SLC44A5: variants seen among roughly 807,000 people sequenced by gnomAD.
SLC44A5 encodes the protein choline transporter-like protein 5.
A neutral mutation model predicts 101.8 loss-of-function variants in SLC44A5; 57 were observed. The observed-to-expected ratio is 0.56, with a 90% CI of 0.45 to 0.70. The LOEUF (loss-of-function observed/expected upper bound fraction) is 0.70, where lower values mean the gene tolerates loss of function less well. SLC44A5 is among the 30% of genes least tolerant of loss of function. The pLI, the probability that SLC44A5 is intolerant of heterozygous loss-of-function variation, is 0.00. For missense variants in SLC44A5, 737 were observed against 853.1 expected, an observed-to-expected ratio of 0.86 and a Z score of 1.70; for synonymous variants, 281 against 290.9, an observed-to-expected ratio of 0.97 and a Z score of 0.35.
chr1:75,322,093 T>C (rs928078097), intron 4 of SLC44A5, among the ~76,000 whole-genome samples: 1 of 152,132 alleles, frequency 6.6e-6, no homozygotes, highest in Non-Finnish European at 1.5e-5. Flanking sequence ...GCAGGATTAC[T>C]TGAGGTCAGG....
At chr1:75,304,620 GA>G (rs1202298073) in intron 4 of SLC44A5, among the ~76,000 whole-genome samples, 1 of 151,930 alleles carries the variant, frequency 6.6e-6, no homozygotes, top group African/African-American at 2.4e-5. Context: ...CTTTTTTTAA[GA>G]AAAAATAAGG....
intron 1 of SLC44A5, among the ~76,000 whole-genome samples, chr1:75,564,146 T>C (rs900000637): frequency 6.6e-6 from 1 of 152,188 alleles, no homozygotes; most frequent in Non-Finnish European, 1.5e-5. Flanking sequence ...AGTTGCAATA[T>C]GCTGATCAAT....
At chr1:75,334,971 C>T (rs1420594714) in intron 4 of SLC44A5, among the ~76,000 whole-genome samples, 1 of 152,118 alleles carries the variant, frequency 6.6e-6, no homozygotes, top group Non-Finnish European at 1.5e-5. Context: ...TCAGTTAAGC[C>T]ATGAGCTCCA....
chr1:75,207,059 G>A (rs1009072474), intron 23 of SLC44A5, among the ~76,000 whole-genome samples: 1 of 152,064 alleles, frequency 6.6e-6, no homozygotes, highest in Non-Finnish European at 1.5e-5. Flanking sequence ...CAAATCCTCC[G>A]GGATGGAGCT....
At chr1:75,278,893 CTT>C (rs1226123466) in intron 5 of SLC44A5, among the ~76,000 whole-genome samples, 1 of 151,894 alleles carries the variant, frequency 6.6e-6, no homozygotes, top group Non-Finnish European at 1.5e-5. Flanking sequence ...TGCAAAATAA[CTT>C]TTATTACTTT....
chr1:75,603,463 T>C (rs141495368), intron 1 of SLC44A5, among the ~76,000 whole-genome samples: 1 of 152,118 alleles, frequency 6.6e-6, no homozygotes, highest in African/African-American at 2.4e-5. Context: ...TGTGTCTTTC[T>C]GGTAGAATAA....
chr1:75,664,562 AAAAAT>A, the SLC44A5 span, among the ~76,000 whole-genome samples: 2 of 152,154 alleles, frequency 1.3e-5, no homozygotes, highest in Non-Finnish European at 2.9e-5. Context: ...AATGGCCACA[AAAAAT>A]AAAATAAAAT....
chr1:75,415,505 A>G (rs187179481), intron 2 of SLC44A5, among the ~76,000 whole-genome samples: 3 of 152,304 alleles, frequency 2.0e-5, no homozygotes, highest in Admixed American at 1.3e-4. Flanking sequence ...CAAGTGTGAA[A>G]ACAGACTAAT....
At chr1:75,595,418 C>G (rs1161724093) in intron 1 of SLC44A5, among the ~76,000 whole-genome samples, 1 of 150,858 alleles carries the variant, frequency 6.6e-6, no homozygotes, top group Non-Finnish European at 1.5e-5. Context: ...TATTTATTCC[C>G]TGTGGATCAT....
At chr1:75,681,738 G>A in the SLC44A5 span, among the ~76,000 whole-genome samples, 20 of 149,796 alleles carry the variant, frequency 1.3e-4, no homozygotes, top group South Asian at 4.1e-3. Flanking sequence ...ATTCAACATA[G>A]TGTTGGAAGT....
chr1:75,300,752 A>G, intron 4 of SLC44A5, 67 bp from the exon 5 acceptor site: 2 of 1,001,718 alleles, frequency 2.0e-6, no homozygotes, highest in Non-Finnish European at 2.9e-6. Flanking sequence ...CCTGCACAAA[A>G]TGAAGGAAGA....
intron 2 of SLC44A5, among the ~76,000 whole-genome samples, chr1:75,484,871 C>G (rs1268053961): frequency 6.6e-6 from 1 of 152,246 alleles, no homozygotes; most frequent in East Asian, 1.9e-4. Context: ...TCTGAAGCAA[C>G]AGCCCAAGCT....
intron 1 of SLC44A5, among the ~76,000 whole-genome samples, chr1:75,585,864 C>T (rs1673960905): frequency 6.6e-6 from 1 of 152,162 alleles, no homozygotes; most frequent in Admixed American, 6.5e-5. Flanking sequence ...AGAGCTTCTT[C>T]TGACTCAGTA....
At chr1:75,269,225 T>C (rs1224078565) in intron 6 of SLC44A5, among the ~76,000 whole-genome samples, 1 of 152,138 alleles carries the variant, frequency 6.6e-6, no homozygotes, top group Non-Finnish European at 1.5e-5. Context: ...CATTATATTA[T>C]TTCCTGTTTA....
intron 3 of SLC44A5, among the ~76,000 whole-genome samples, chr1:75,360,866 G>A (rs963846592): frequency 6.6e-6 from 1 of 152,148 alleles, no homozygotes; most frequent in Non-Finnish European, 1.5e-5. Flanking sequence ...AATTTTGATA[G>A]GGATTGCACT....
At chr1:75,636,200 T>G in the SLC44A5 span, among the ~76,000 whole-genome samples, 8 of 152,074 alleles carry the variant, frequency 5.3e-5, no homozygotes, top group African/African-American at 1.2e-4. Flanking sequence ...TTGTGAAACT[T>G]AACTTTTCTG....
At chr1:75,567,166 AGGTGTTTGGGTAT>A (rs1234355035) in intron 1 of SLC44A5, among the ~76,000 whole-genome samples, 5,524 of 152,194 alleles carry the variant, frequency 0.036, 336 homozygotes, top group African/African-American at 0.13. Flanking sequence ...CTGCTTCTGC[AGGTGTTTGGGTAT>A]CCCTGGTTTC....
At chr1:75,564,197 G>A (rs1445707391) in intron 1 of SLC44A5, among the ~76,000 whole-genome samples, 2 of 152,136 alleles carry the variant, frequency 1.3e-5, no homozygotes, top group African/African-American at 2.4e-5. Context: ...AAAAACTACT[G>A]TAATCTACTG....
At chr1:75,290,724 G>A (rs1483978912) in intron 5 of SLC44A5, among the ~76,000 whole-genome samples, 1 of 152,168 alleles carries the variant, frequency 6.6e-6, no homozygotes, top group Non-Finnish European at 1.5e-5. Flanking sequence ...AGAGCAGGAT[G>A]AGGAGAATAA....
Sources: allele counts gnomAD v4.1 joint callset (sites outside exome capture counted in the v4.1 genomes callset), GRCh38; gene constraint gnomAD v4.1.1; transcripts MANE v1.5; gene names NCBI Gene and HGNC (gene_info 2026-07-23, HGNC 2026-07-21).